Variants in DACH2 observed in about 807,000 individuals in gnomAD.
The protein encoded by DACH2 is dachshund family transcription factor 2, also known as dachshund homolog 2.
DACH2 carries 17 observed loss-of-function variants against 35.8 expected under a neutral mutation model. That is an observed-to-expected ratio of 0.48 (90% confidence interval 0.33 to 0.71). DACH2 has a LOEUF of 0.71. Among genes scored for constraint, DACH2 ranks in the 30% least tolerant of loss-of-function variants. The pLI is 0.02. For missense variants in DACH2, 469 were observed against 472.7 expected, an observed-to-expected ratio of 0.99 and a Z score of 0.07; for synonymous variants, 195 against 177.3, an observed-to-expected ratio of 1.10 and a Z score of -0.79.
intron 1 of DACH2, among the ~76,000 whole-genome samples, chrX:86,231,420 ACTCAGACT>A (rs2032945876): frequency 9.3e-6 from 1 of 107,046 alleles, no homozygotes; most frequent in South Asian, 4.2e-4. Flanking sequence ...GTGTGTCTGG[ACTCAGACT>A]CTCTTTGGGC....
In DACH2 at chrX:86,393,939, T is replaced by TTTATTATTA. The variant is rs61097672; in HGVS notation, c.527+17098_527+17106dup. 4.8e-3 allele frequency among the ~76,000 whole-genome samples: 508 copies of TTTATTATTA among 104,818 alleles called. 1 individual carries two copies. The highest frequency in any genetic ancestry group is 0.011 in the South Asian group (26 of 2,299). 91.0% of individuals were successfully genotyped at this position (104,818 alleles called of 115,157 possible). On this transcript the variant is annotated intron_variant, in intron 2 of 11. Coordinates refer to ENST00000373125, the MANE Select transcript of DACH2 (RefSeq NM_053281.3). The stretch of plus-strand genomic sequence containing the variant: ...TTAACACTTAATAAATGGTAGCTAT[T>TTTATTATTA]TTATTATTATTATTATTATTATTAT...
chrX:86,290,906 G>A (rs1044503074), intron 1 of DACH2, among the ~76,000 whole-genome samples: 4 of 108,376 alleles, frequency 3.7e-5, no homozygotes, highest in Admixed American at 1.0e-4. Flanking sequence ...GGCGATGCGG[G>A]CTCTTTTTTG....
At chrX:86,359,178 C>T (rs2035697795) in intron 1 of DACH2, among the ~76,000 whole-genome samples, 1 of 106,691 alleles carries the variant, frequency 9.4e-6, no homozygotes, top group Non-Finnish European at 1.9e-5. Context: ...AATTTTATTA[C>T]AATTAAAATT....
At position 86,634,379 on chromosome X, in the gene DACH2, A is replaced by G. The variant is rs770663232; in HGVS notation, c.641-16657A>G. Among the ~76,000 whole-genome samples the G allele has an allele frequency of 2.7e-5, 3 of 111,520 alleles. No homozygotes were observed. The Admixed American group carries it at 2.9e-4, about 11-fold the overall frequency. On this transcript the variant is annotated intron_variant, in intron 3 of 11. Coordinates refer to ENST00000373125, the MANE Select transcript of DACH2 (RefSeq NM_053281.3). ...GGGAAAAGATGAAAGCAATCCTCCT[A>G]AGAACTAGAATAAGACAAGGATGCC...
chrX:86,702,918 T>C (rs991149246), intron 5 of DACH2, among the ~76,000 whole-genome samples: 3 of 111,345 alleles, frequency 2.7e-5, no homozygotes, highest in South Asian at 7.5e-4. Flanking sequence ...ACTCATTCTA[T>C]GAAGCCAGTA....
intron 3 of DACH2, among the ~76,000 whole-genome samples, chrX:86,563,280 C>T (rs2039250259): frequency 9.1e-6 from 1 of 109,729 alleles, no homozygotes; most frequent in African/African-American, 3.3e-5. Context: ...ATTTTGTGTA[C>T]AGTTATAGCA....
chrX:86,628,925 G>A (rs770723507), intron 3 of DACH2, among the ~76,000 whole-genome samples: 8 of 112,126 alleles, frequency 7.1e-5, no homozygotes, highest in African/African-American at 2.3e-4. Flanking sequence ...CTTTTAACAA[G>A]TACAAAACAC....
intron 1 of DACH2, among the ~76,000 whole-genome samples, chrX:86,361,615 C>T (rs2035740749): frequency 9.0e-6 from 1 of 111,217 alleles, no homozygotes; most frequent in South Asian, 3.7e-4. Context: ...TTAATTGATG[C>T]CATTAAGACT....
Position 86,711,124 on chromosome X carries a change from C to T in DACH2, c.932-3424C>T, listed in dbSNP as rs772417455. ...AGCTCTGTGGCTCACGCCTGTAATC[C>T]CAGGACTTTGGGAGACCGAGGCAGG... On this transcript the variant is annotated intron_variant, in intron 5 of 11. Transcript: ENST00000373125. Among the ~76,000 whole-genome samples, 5 of 111,999 alleles carry T rather than the reference C, an allele frequency of 4.5e-5. No individual in the cohort carries two copies. The South Asian group carries it at 1.5e-3, about 34-fold the overall frequency.
At position 86,813,141 on chromosome X, in the gene DACH2, A is replaced by G; in HGVS notation, c.1401A>G (p.Lys467=). Residue 467 remains lysine (K), a synonymous_variant, in exon 9 of 12, where the codon AAA becomes AAG. Coordinates refer to ENST00000373125, the MANE Select transcript of DACH2 (RefSeq NM_053281.3). ...CTGTACCTTGACAGGGTCTGCTGAAAGTTGCTTTGGATAATGCTCGCATCC... is the reference window on the plus strand; with the variant it reads ...CTGTACCTTGACAGGGTCTGCTGAAGGTTGCTTTGGATAATGCTCGCATCC... The part of the protein sequence containing the change: ...TLLTNIQGLL[K]VALDNARIQE... 1 of 1,207,663 alleles carries G rather than the reference A, an allele frequency of 8.3e-7. No homozygotes were observed. The highest frequency in any genetic ancestry group is 1.1e-6 in the Non-Finnish European group (1 of 894,074).
intron 2 of DACH2, among the ~76,000 whole-genome samples, chrX:86,416,326 C>A (rs998990513): frequency 1.8e-5 from 2 of 111,923 alleles, no homozygotes; most frequent in Non-Finnish European, 3.8e-5. Flanking sequence ...ATTCAAGTCA[C>A]TTATCCTCTA....
intron 1 of DACH2, among the ~76,000 whole-genome samples, chrX:86,360,493 A>G (rs2035721698): frequency 8.9e-6 from 1 of 111,741 alleles, no homozygotes; most frequent in African/African-American, 3.2e-5. Flanking sequence ...AGGTCATTGA[A>G]TTTTTCAGTG....
At chrX:86,305,605 G>A (rs1206602504) in intron 1 of DACH2, among the ~76,000 whole-genome samples, 1 of 110,956 alleles carries the variant, frequency 9.0e-6, no homozygotes, top group Non-Finnish European at 1.9e-5. Flanking sequence ...AAATGCTTCT[G>A]CATAGCAAAG....
intron 5 of DACH2, among the ~76,000 whole-genome samples, chrX:86,714,299 AT>A (rs2148459850): frequency 8.9e-6 from 1 of 112,166 alleles, no homozygotes; most frequent in East Asian, 2.8e-4. Flanking sequence ...AAAATTTTGC[AT>A]CTTATAAATA....
chrX:86,481,507 G>C (rs1369245759), intron 2 of DACH2: 1 of 112,043 alleles, frequency 8.9e-6, no homozygotes, highest in South Asian at 3.7e-4. Flanking sequence ...AAATTCTCTA[G>C]TTGTTATCTG....
At chrX:86,634,399 G>A (rs2040238406) in intron 3 of DACH2, among the ~76,000 whole-genome samples, 1 of 111,147 alleles carries the variant, frequency 9.0e-6, no homozygotes, top group African/African-American at 3.3e-5. Flanking sequence ...ATAAGACAAG[G>A]ATGCCCACTT....
intron 7 of DACH2, among the ~76,000 whole-genome samples, chrX:86,764,596 T>A (rs2041914196): frequency 8.9e-6 from 1 of 111,857 alleles, no homozygotes; most frequent in African/African-American, 3.2e-5. Flanking sequence ...TCCCACGGTG[T>A]GTGTGTACCA....
At chrX:86,229,469 T>G (rs1315832506) in intron 1 of DACH2, among the ~76,000 whole-genome samples, 1 of 111,988 alleles carries the variant, frequency 8.9e-6, no homozygotes, top group Non-Finnish European at 1.9e-5. Flanking sequence ...TGGTTCCACA[T>G]GAATTTTACA....
At chrX:86,523,316 C>T (rs1165354812) in intron 3 of DACH2, among the ~76,000 whole-genome samples, 1 of 110,829 alleles carries the variant, frequency 9.0e-6, no homozygotes, top group Non-Finnish European at 1.9e-5. Context: ...TCATTGGTAT[C>T]AGTATCCCTC....
Sources: gnomAD v4.1 joint callset for allele counts (sites outside exome capture counted in the v4.1 genomes callset) on GRCh38, gnomAD v4.1.1 for gene constraint, MANE v1.5 for transcripts, NCBI Gene and HGNC (gene_info 2026-07-23, HGNC 2026-07-21) for gene names.